Variants in CCDC180 observed in about 807,000 individuals in gnomAD.
CCDC180 encodes the protein coiled-coil domain containing 180.
CCDC180 carries 154 observed loss-of-function variants against 209.2 expected under a neutral mutation model. The ratio of observed to expected loss-of-function variants is 0.74; its 90% CI spans 0.65 to 0.84. The LOEUF (loss-of-function observed/expected upper bound fraction) is 0.84. CCDC180 is among the 40% of genes least tolerant of loss of function. CCDC180 has a pLI of 0.00. For synonymous variants in CCDC180, 778 were observed against 749.1 expected (o/e 1.04, Z -0.63); for missense variants, 1,874 against 1,997.3 (o/e 0.94, Z 1.18).
At chr9:97,307,401 G>T (rs534418569), upstream of CCDC180, 2 of 545,156 alleles carry the variant, frequency 3.7e-6, no homozygotes, top group Non-Finnish European at 7.0e-6. Context: ...ACGCGGCCAG[G>T]CCGGACGCAA....
intron 31 of CCDC180, among the ~76,000 whole-genome samples, chr9:97,367,898 C>T (rs557890930): frequency 6.6e-6 from 1 of 152,268 alleles, no homozygotes; most frequent in South Asian, 2.1e-4. Flanking sequence ...CGATAGTGCT[C>T]ATAGCTGTGG....
intron 25 of CCDC180, among the ~76,000 whole-genome samples, chr9:97,358,817 T>C (rs1025377527): frequency 6.6e-6 from 1 of 152,164 alleles, no homozygotes; most frequent in African/African-American, 2.4e-5. Context: ...GTGGGAAGCT[T>C]TCTCCTCACC....
Position 97,324,046 on chromosome 9 carries a change from G to A in CCDC180, c.1371+143G>A, listed in dbSNP as rs1018526328. On this transcript the variant is annotated intron_variant, in intron 13 of 36. Transcript: ENST00000529487. ...ACCCTTGTCAGCCCCTCTCAGAGTA[G>A]CCCCCTTACGCTGGCCACTCCAAGC... 15 of 966,874 alleles carry A rather than the reference G, an allele frequency of 1.6e-5. No individual in the cohort carries two copies. In the Admixed American group the frequency reaches 4.3e-4, roughly 28 times the overall value. The allele number at this position is 966,874 out of a possible 1,614,324, so 59.9% of individuals were successfully genotyped here.
At chr9:97,311,706 C>T (rs941914667) in intron 3 of CCDC180, among the ~76,000 whole-genome samples, 29 of 152,166 alleles carry the variant, frequency 1.9e-4, no homozygotes, top group African/African-American at 6.0e-4. Context: ...ACCTCAAGTA[C>T]GTCATAGGAT....
chr9:97,307,574 C>T (rs1271295836), upstream of CCDC180: 5 of 664,584 alleles, frequency 7.5e-6, no homozygotes, highest in Non-Finnish European at 1.1e-5. Context: ...CTCCAATTCT[C>T]CTCCCTGTGT....
intron 27 of CCDC180, 121 bp from the exon 28 acceptor site, chr9:97,362,075 G>T: frequency 1.4e-6 from 2 of 1,435,192 alleles, no homozygotes; most frequent in South Asian, 2.7e-5. Context: ...ATCTGAAATG[G>T]GGCTCGTGAC....
chr9:97,370,115 G>C (rs1445749866), intron 32 of CCDC180, 33 bp downstream of exon 32: 1 of 1,599,360 alleles, frequency 6.3e-7, no homozygotes, highest in African/African-American at 1.3e-5. Context: ...TTCCACTCTA[G>C]GACCAGGGGA....
rs188661750 is a variant in CCDC180 at position 97,339,299 on chromosome 9, G to A, written c.2275-4041G>A. Among the ~76,000 whole-genome samples the A allele has an allele frequency of 2.6e-5, 4 of 152,292 alleles. No homozygotes were observed. The East Asian group carries it at 7.7e-4, about 29-fold the overall frequency. On this transcript the variant is annotated intron_variant, in intron 18 of 36. Transcript: ENST00000529487. ...CATGTTTTTGCAGTGGCTGGTACCG[G>A]TTGTTCCTTTCCATTTTAGTGCTTC... is the stretch of plus-strand genomic sequence containing the variant.
intron 25 of CCDC180, among the ~76,000 whole-genome samples, chr9:97,358,589 C>T (rs1826657968): frequency 1.3e-5 from 2 of 152,130 alleles, no homozygotes; most frequent in Non-Finnish European, 2.9e-5. Flanking sequence ...GCCATGAGTG[C>T]ACGACTCTGT....
rs879199350 is a variant in CCDC180, at chr9:97,313,333, G to A, written c.447G>A (p.Ala149=). 1.2e-5 allele frequency: 19 copies of A among 1,609,410 alleles called. No individual in the cohort carries two copies. The highest frequency in any genetic ancestry group is 1.7e-5 in the Admixed American group (1 of 59,898). The change falls in exon 5 of 37, where the codon GCG becomes GCA. Residue 149 remains alanine, a synonymous_variant. Transcript: ENST00000529487. The part of the protein sequence containing the change: ...SALASFQEEI[A]QVGKEMEPLI... ...TGGCCAGCTTTCAGGAGGAGATTGC[G>A]CAGGTGGGAAAGGTGAGAATCCTCC...
At chr9:97,336,124 A>G (rs1013770888) in intron 18 of CCDC180, among the ~76,000 whole-genome samples, 1 of 151,716 alleles carries the variant, frequency 6.6e-6, no homozygotes, top group Non-Finnish European at 1.5e-5. Context: ...CCCATTCTGT[A>G]GGTTGCCTGT....
At position 97,330,548 on chromosome 9, in the gene CCDC180, C is replaced by G. The variant is rs762826712; in HGVS notation, c.2055C>G (p.Ser685=). The change falls in exon 18 of 37, where the codon TCC becomes TCG. Residue 685 remains serine, a synonymous_variant. Transcript: ENST00000529487. ...KSPLHAKMDE[S]KEGSIQGLEE... ...CACTGCATGCTAAGATGGATGAGTC[C>G]AAAGAAGGCTCTATTCAGGGACTGG... 5.6e-6 allele frequency: 9 copies of G among 1,613,978 alleles called. No homozygotes were observed.
At position 97,357,750 on chromosome 9, in the gene CCDC180, G is replaced by A. The variant is rs778696396; in HGVS notation, c.3363+25G>A. ...CGTAAGTGTTCAATAGATTCTGCAT[G>A]TGAATAATAAAGATATATCATGCTA... On this transcript the variant is annotated intron_variant, in intron 25 of 36. Transcript: ENST00000529487. 5 of 1,490,560 alleles carry A rather than the reference G, an allele frequency of 3.4e-6. No individual in the cohort carries two copies. The African/African-American group carries it at 5.6e-5, about 17-fold the overall frequency. The allele number at this position is 1,490,560 out of a possible 1,614,324, so 92.3% of individuals were successfully genotyped here.
intron 25 of CCDC180, among the ~76,000 whole-genome samples, chr9:97,358,215 G>T (rs963087081): frequency 5.3e-5 from 8 of 150,690 alleles, no homozygotes; most frequent in Admixed American, 1.3e-4. Flanking sequence ...TCTGCCTCCG[G>T]GTTCAAGTGA....
At position 97,313,288 on chromosome 9, in the gene CCDC180, G is replaced by A; in HGVS notation, c.402G>A (p.Arg134=). 6.2e-7 allele frequency: 1 copy of A among 1,612,672 alleles called. No homozygotes were observed. Among genetic ancestry groups the A allele is most frequent in the African/African-American group, 1.3e-5 (1 of 75,026 alleles). Residue 134 remains arginine (R), a synonymous_variant, in exon 5 of 37, where the codon AGG becomes AGA. Transcript: ENST00000529487. ...TTCAAAGGCAAGCAGAACACAAGAG[G>A]AAGAGCTACGAGAGCGCTCTGGCCA... The part of the protein sequence containing the change: ...STFQRQAEHK[R]KSYESALASF...
In CCDC180 at chr9:97,370,013, GTT is replaced by G; in HGVS notation, c.4285_4286del (p.Phe1429HisfsTer48). The G allele has an allele frequency of 6.2e-7, 1 of 1,614,164 alleles. No homozygotes were observed. The highest frequency in any genetic ancestry group is 8.5e-7 in the Non-Finnish European group (1 of 1,180,034). ...ENFKEHHWKK[F>X]FTSVKEIRGQ... ...ATTTCAAGGAACACCACTGGAAAAA[GTT>G]TTTCACCTCTGTGAAGGAGATCCGA... On this transcript the variant is annotated frameshift_variant, in exon 32 of 37. Transcript: ENST00000529487. LOFTEE classifies it high-confidence loss of function.
intron 24 of CCDC180, among the ~76,000 whole-genome samples, chr9:97,356,757 C>A (rs1325049977): frequency 2.6e-5 from 4 of 152,246 alleles, no homozygotes; most frequent in African/African-American, 9.6e-5. Context: ...AAATATCTAA[C>A]ACCTGTGATA....
At chr9:97,350,653 C>T (rs751691665) in intron 22 of CCDC180, 98 bp downstream of exon 22, 9 of 1,279,158 alleles carry the variant, frequency 7.0e-6, no homozygotes, top group Middle Eastern at 2.2e-4. Flanking sequence ...ACAAAATAAA[C>T]GTAACATCAA....
chr9:97,357,458 GA>G (rs1042026390), intron 24 of CCDC180, among the ~76,000 whole-genome samples, 168 bp from the exon 25 acceptor site: 7 of 152,162 alleles, frequency 4.6e-5, no homozygotes, highest in East Asian at 1.9e-4. Context: ...CTTGAGAGGG[GA>G]AAAAAATCTT....
Sources: allele counts gnomAD v4.1 joint callset (sites outside exome capture counted in the v4.1 genomes callset), GRCh38; gene constraint gnomAD v4.1.1; transcripts MANE v1.5; gene names NCBI Gene and HGNC (gene_info 2026-07-23, HGNC 2026-07-21).